Variants in SPTBN5 observed in about 807,000 individuals in gnomAD.
The protein encoded by SPTBN5 is spectrin beta chain, non-erythrocytic 5.
In SPTBN5, 513 loss-of-function variants were observed where a neutral mutation model predicts 477.6. The observed-to-expected ratio is 1.07, with a 90% CI of 1.00 to 1.16. The LOEUF is 1.16. Among genes scored for constraint, SPTBN5 ranks in the 50% most tolerant of loss-of-function variants. The pLI, the probability that SPTBN5 is intolerant of heterozygous loss-of-function variation, is 0.00. For missense variants in SPTBN5, 5,062 were observed against 4,731.8 expected (o/e 1.07, Z -2.05); for synonymous variants, 2,169 against 2,011.7 (o/e 1.08, Z -2.09).
chr15:41,868,819 A>C (rs569656041), intron 32 of SPTBN5, among the ~76,000 whole-genome samples: 1 of 152,332 alleles, frequency 6.6e-6, no homozygotes, highest in South Asian at 2.1e-4. Flanking sequence ...TACATGAGCC[A>C]GACCCTTACC....
chr15:41,866,116 G>T lies in SPTBN5; in HGVS notation c.6744C>A (p.Gly2248=). The T allele has an allele frequency of 6.4e-7, 1 of 1,557,608 alleles. No individual in the cohort carries two copies. Among genetic ancestry groups the T allele is most frequent in the Non-Finnish European group, 8.7e-7 (1 of 1,151,492 alleles). Residue 2248 remains glycine (G), a synonymous_variant, in exon 38 of 68, where the codon GGC becomes GGA. Coordinates refer to ENST00000320955, the MANE Select transcript of SPTBN5 (RefSeq NM_016642.4). ...EDLRQAMALR[G]QELEDRRNFL... ...AGTTCCGCCTGTCCTCCAGCTCCTG[G>T]CCCCTGAGGGCCATTGCCTGCCTCA...
At position 41,878,525 on chromosome 15, in the gene SPTBN5, C is replaced by A; in HGVS notation, c.3287G>T (p.Arg1096Leu). 6.2e-7 allele frequency: 1 copy of A among 1,612,988 alleles called. No homozygotes were observed. The highest frequency in any genetic ancestry group is 1.3e-5 in the African/African-American group (1 of 75,066). ...CCGGGCCTGAGTCTCAGCCTGGCGC[C>A]GGGCCCGTTGGGCCACTTGTTCCTG... ...QVQEQVAQRA[R>L]RQAETQARQS... The change falls in exon 17 of 68, where the codon CGG becomes CTG. Residue 1096 changes from arginine (R) to leucine (L), a missense_variant. By Grantham distance (102) the Arg-to-Leu change is moderately radical (BLOSUM62 -2). Coordinates refer to ENST00000320955, the MANE Select transcript of SPTBN5 (RefSeq NM_016642.4).
chr15:41,852,911 C>T lies in SPTBN5; in HGVS notation c.10260G>A (p.Trp3420Ter). ...ALRWQRCAES[W>*]GLQKLRQRLE... ...GCCTCTGCCGAAGCTTCTGCAGGCC[C>T]CAGCTCTCGGCACAGCGTTGCCAGC... Residue 3420 changes from tryptophan to a stop codon, truncating the protein, a stop_gained, in exon 60 of 68, where the codon TGG becomes TGA. Coordinates refer to ENST00000320955, the MANE Select transcript of SPTBN5 (RefSeq NM_016642.4). LOFTEE classifies it high-confidence loss of function. The T allele has an allele frequency of 1.2e-6, 2 of 1,604,624 alleles. No homozygotes were observed. Among genetic ancestry groups the T allele is most frequent in the Non-Finnish European group, 1.7e-6 (2 of 1,175,730 alleles).
In SPTBN5 at chr15:41,866,943, G is replaced by A; in HGVS notation, c.6480+16C>T. On this transcript the variant is annotated intron_variant, in intron 36 of 67. Coordinates refer to ENST00000320955, the MANE Select transcript of SPTBN5 (RefSeq NM_016642.4). ...TGGTTCCAGTGGAAGGCCCTGGGCT[G>A]GGGGTGCCCTCTGACCTGGGTTGCG... is the stretch of plus-strand genomic sequence containing the variant. 6.4e-7 allele frequency: 1 copy of A among 1,564,312 alleles called. No individual in the cohort carries two copies. The highest frequency in any genetic ancestry group is 8.7e-7 in the Non-Finnish European group (1 of 1,154,582).
At chr15:41,872,260 G>A in intron 27 of SPTBN5, 42 bp downstream of exon 27, 1 of 1,579,404 alleles carries the variant, frequency 6.3e-7, no homozygotes, top group Non-Finnish European at 8.6e-7. Flanking sequence ...CTGTGGCTAG[G>A]CCTCCTGTAC....
In SPTBN5 at chr15:41,851,320, G is replaced by A. The variant is rs1050485896; in HGVS notation, c.10706C>T (p.Ser3569Phe). 1 of 1,551,176 alleles carries A rather than the reference G, an allele frequency of 6.4e-7. No homozygotes were observed. The highest frequency in any genetic ancestry group is 8.7e-7 in the Non-Finnish European group (1 of 1,147,002). ...DSCRGNLQGS[S>F]LSLFLDERMA... is the part of the protein sequence containing the mutation. ...CCTCTCATCCAGGAACAGGCTCAGAGAGCTGCCCTGCAAGTTCCCGCGGCA... is the reference window on the plus strand; with the variant it reads ...CCTCTCATCCAGGAACAGGCTCAGAAAGCTGCCCTGCAAGTTCCCGCGGCA... Residue 3569 changes from serine (S) to phenylalanine (F), a missense_variant, in exon 64 of 68, where the codon TCT becomes TTT. Coordinates refer to ENST00000320955, the MANE Select transcript of SPTBN5 (RefSeq NM_016642.4).
At chr15:41,892,680 A>G (rs952675918) in intron 3 of SPTBN5, 1 of 525,528 alleles carries the variant, frequency 1.9e-6, no homozygotes, top group African/African-American at 2.0e-5. Flanking sequence ...CTGGATTGCT[A>G]CTGCCATGGC....
Position 41,886,172 on chromosome 15 carries a change from C to T in SPTBN5, c.1083G>A (p.Gln361=), listed in dbSNP as rs1393882054. 6.2e-7 allele frequency: 1 copy of T among 1,612,716 alleles called. No homozygotes were observed. Among genetic ancestry groups the T allele is most frequent in the Non-Finnish European group, 8.5e-7 (1 of 1,179,684 alleles). ...GCAGGGCCTCTGCGGCCCCTCGCTGCTGTAGCCGGGGTGGCTTCTCCTGGG... is the reference window on the plus strand; with the variant it reads ...GCAGGGCCTCTGCGGCCCCTCGCTGTTGTAGCCGGGGTGGCTTCTCCTGGG... ...FRTQEKPPRL[Q]QRGAAEALLF... Residue 361 remains glutamine, a synonymous_variant, in exon 7 of 68, where the codon CAG becomes CAA. Transcript: ENST00000320955.
chr15:41,883,567 C>T (rs1159229934), intron 7 of SPTBN5, 81 bp from the exon 8 acceptor site: 42 of 1,530,312 alleles, frequency 2.7e-5, no homozygotes, highest in Non-Finnish European at 3.6e-5. Context: ...TGTGGTGGGG[C>T]TTGGCTGCCC....
At chr15:41,851,678 A>G (rs2065769737) in intron 63 of SPTBN5, 101 bp downstream of exon 63, 1 of 888,894 alleles carries the variant, frequency 1.1e-6, no homozygotes, top group South Asian at 1.6e-5. Context: ...CATCTGCCCA[A>G]GTTCACAGTG....
At chr15:41,874,131 A>T in intron 24 of SPTBN5, 86 bp from the exon 25 acceptor site, 3 of 1,515,866 alleles carry the variant, frequency 2.0e-6, no homozygotes, top group Non-Finnish European at 1.8e-6. Context: ...GGCCCCAATC[A>T]TGGCAAGACC....
At position 41,874,800 on chromosome 15, in the gene SPTBN5, A is replaced by G. The variant is rs1291558785; in HGVS notation, c.4502+42T>C. 4.5e-6 allele frequency: 7 copies of G among 1,566,268 alleles called. No homozygotes were observed. In the Admixed American group the frequency reaches 8.8e-5, roughly 20 times the overall value. On this transcript the variant is annotated intron_variant, in intron 23 of 67. Transcript: ENST00000320955. ...CCATCTTGTGGGACCTTAAATTCACATGGAGGAGTGACACACAGGTGGGTG... is the reference window on the plus strand; with the variant it reads ...CCATCTTGTGGGACCTTAAATTCACGTGGAGGAGTGACACACAGGTGGGTG...
intron 7 of SPTBN5, among the ~76,000 whole-genome samples, chr15:41,884,071 C>T (rs576068228): frequency 1.6e-4 from 25 of 152,308 alleles, no homozygotes; most frequent in African/African-American, 5.5e-4. Context: ...CTGCCAGCTC[C>T]GCCTCCCAGG....
At chr15:41,871,337 C>T in intron 29 of SPTBN5, 38 bp downstream of exon 29, 1 of 1,383,686 alleles carries the variant, frequency 7.2e-7, no homozygotes, top group Non-Finnish European at 9.4e-7. Flanking sequence ...AGCTCCTTCC[C>T]CCAAACCCCA....
Position 41,867,545 on chromosome 15 carries a change from T to C in SPTBN5, c.6305A>G (p.Asp2102Gly). ...GCCTCCTGACTCCATTACCTTCTTG[T>C]CCTGGGCAGTCAGAACCTTCAGGAA... ...EVFLKVLTAQ[D>G]KKEAALRERL... is the part of the protein sequence containing the mutation. Residue 2102 changes from aspartate (D) to glycine (G), a missense_variant, in exon 35 of 68, where the codon GAC (aspartate) becomes GGC (glycine). Transcript: ENST00000320955. The C allele has an allele frequency of 6.2e-7, 1 of 1,613,762 alleles. No individual in the cohort carries two copies. Among genetic ancestry groups the C allele is most frequent in the Non-Finnish European group, 8.5e-7 (1 of 1,179,804 alleles).
Position 41,883,182 on chromosome 15 carries a change from A to C in SPTBN5, c.1706T>G (p.Val569Gly), listed in dbSNP as rs760842864. The C allele has an allele frequency of 1.2e-6, 2 of 1,612,636 alleles. No individual in the cohort carries two copies. The highest frequency in any genetic ancestry group is 1.7e-6 in the Non-Finnish European group (2 of 1,179,724). The change falls in exon 9 of 68, where the codon GTG (valine) becomes GGG (glycine). Residue 569 changes from valine (V) to glycine (G), a missense_variant. Physicochemically the swap from Val to Gly is moderately radical, Grantham distance 109. Transcript: ENST00000320955. ...TACGQQLAEV[V>G]ELLQRHDLLE... ...CAGGTCATGCCTCTGCAGCAGCTCC[A>C]CCACTTCTGCCAGCTGCTGCCCACA...
At chr15:41,851,517 G>A (rs1325757926) in intron 63 of SPTBN5, 148 bp from the exon 64 acceptor site, 16 of 622,178 alleles carry the variant, frequency 2.6e-5, no homozygotes, top group East Asian at 1.7e-4. Context: ...GCCACAGAGG[G>A]GCTCTGACGG....
chr15:41,876,004 C>T (rs895018056), intron 21 of SPTBN5, 110 bp downstream of exon 21: 29 of 1,375,620 alleles, frequency 2.1e-5, no homozygotes, highest in Middle Eastern at 5.2e-4. Context: ...TCTAGGTTCA[C>T]GCTGAGGCTG....
At chr15:41,855,823 TGGCTGC>T in intron 53 of SPTBN5, 78 bp from the exon 54 acceptor site, 1 of 1,407,982 alleles carries the variant, frequency 7.1e-7, no homozygotes, top group Non-Finnish European at 9.4e-7. Flanking sequence ...ATTCTCAGCC[TGGCTGC>T]ACAGGGGAAT....
Sources: gnomAD v4.1 joint callset for allele counts (sites outside exome capture counted in the v4.1 genomes callset) on GRCh38, gnomAD v4.1.1 for gene constraint, MANE v1.5 for transcripts, NCBI Gene and HGNC (gene_info 2026-07-23, HGNC 2026-07-21) for gene names.